PLEKHM3: variants seen among roughly 807,000 people sequenced by gnomAD.
PLEKHM3 encodes the protein pleckstrin homology domain containing M3, also known as pleckstrin homology domain-containing family M member 3.
A neutral mutation model predicts 81.8 loss-of-function variants in PLEKHM3; 45 were observed. The observed-to-expected ratio is 0.55, with a 90% CI of 0.43 to 0.71. The LOEUF is 0.71. PLEKHM3 is among the 30% of genes least tolerant of loss of function. The pLI, the probability that PLEKHM3 is intolerant of heterozygous loss-of-function variation, is 0.00. For synonymous variants in PLEKHM3, 352 were observed against 356.4 expected (o/e 0.99, Z 0.14); for missense variants, 788 against 924.3 (o/e 0.85, Z 1.91).
At chr2:207,923,855 G>GCGCACACA (rs1257171999) in intron 5 of PLEKHM3, among the ~76,000 whole-genome samples, 18 of 18,916 alleles carry the variant, frequency 9.5e-4, no homozygotes, top group Non-Finnish European at 1.7e-3. Flanking sequence ...ACACACGCAC[G>GCGCACACA]CACACACACA....
intron 5 of PLEKHM3, among the ~76,000 whole-genome samples, chr2:207,922,632 GAAA>G (rs1689223358): frequency 6.6e-6 from 1 of 152,134 alleles, no homozygotes; most frequent in South Asian, 2.1e-4. Flanking sequence ...CTAACACGGT[GAAA>G]ACCTGTCTCT....
intron 6 of PLEKHM3, among the ~76,000 whole-genome samples, chr2:207,866,898 T>C (rs1041160649): frequency 5.9e-5 from 9 of 152,228 alleles, no homozygotes; most frequent in Admixed American, 4.6e-4. Flanking sequence ...TGCTGTTTTG[T>C]ACTCTTTGCT....
At chr2:207,864,842 C>A (rs1228471839) in intron 6 of PLEKHM3, among the ~76,000 whole-genome samples, 1 of 152,138 alleles carries the variant, frequency 6.6e-6, no homozygotes, top group Non-Finnish European at 1.5e-5. Context: ...TACATATCTC[C>A]ATTTTATTAA....
At chr2:207,880,491 C>T (rs1574364699) in intron 6 of PLEKHM3, among the ~76,000 whole-genome samples, 2 of 150,194 alleles carry the variant, frequency 1.3e-5, no homozygotes, top group Non-Finnish European at 3.0e-5. Context: ...AGGCCGGGCG[C>T]GGTGGCTCAC....
Position 207,950,306 on chromosome 2 carries a change from C to T in PLEKHM3, c.1547-3794G>A, listed in dbSNP as rs951045051. Among the ~76,000 whole-genome samples, 13 of 152,320 alleles carry T rather than the reference C, an allele frequency of 8.5e-5. No individual in the cohort carries two copies. The South Asian group carries it at 2.7e-3, about 32-fold the overall frequency. ...TTTAGGCACATGGTATACAGACCGT[C>T]ACTAGTCTAAAGGCAGGAAGCCTGA... is the stretch of plus-strand genomic sequence containing the variant. On this transcript the variant is annotated intron_variant, in intron 3 of 7. Coordinates refer to ENST00000427836, the MANE Select transcript of PLEKHM3 (RefSeq NM_001080475.3).
rs897613004 is a variant in PLEKHM3 at position 207,823,429 on chromosome 2, G to A, written c.*4890C>T. 5.3e-5 allele frequency: 8 copies of A among 151,876 alleles called. No individual in the cohort carries two copies. The highest frequency in any genetic ancestry group is 1.9e-4 in the African/African-American group (8 of 41,312). 9.4% of individuals were successfully genotyped at this position (151,876 alleles called of 1,614,324 possible). The stretch of plus-strand genomic sequence containing the variant: ...CAATTCTCCTGCCTCAGTCTCCCAA[G>A]TAGCTGGGATTATAGGCATCCACCA... On this transcript the variant is annotated 3_prime_UTR_variant, in exon 8 of 8. Transcript: ENST00000427836.
chr2:207,946,317 T>C (rs907658259), intron 4 of PLEKHM3, 50 bp downstream of exon 4: 2 of 1,575,874 alleles, frequency 1.3e-6, no homozygotes, highest in East Asian at 4.5e-5. Context: ...CCTGAGAACA[T>C]ATGAACACCT....
chr2:207,984,084 A>C lies in PLEKHM3; in HGVS notation c.611-6498T>G, dbSNP rs117508377. Among the ~76,000 whole-genome samples the C allele has an allele frequency of 4.7e-4, 72 of 152,332 alleles. No homozygotes were observed. The East Asian group carries it at 0.011, about 23-fold the overall frequency. The stretch of plus-strand genomic sequence containing the variant: ...AAAGTTTCAAACACACTTGAAAAGC[A>C]TGTAGAAGAGTAAGATGAATGCCAG... On this transcript the variant is annotated intron_variant, in intron 2 of 7. Coordinates refer to ENST00000427836, the MANE Select transcript of PLEKHM3 (RefSeq NM_001080475.3).
chr2:207,876,584 G>C (rs2092561054), intron 6 of PLEKHM3, among the ~76,000 whole-genome samples: 1 of 152,178 alleles, frequency 6.6e-6, no homozygotes, highest in South Asian at 2.1e-4. Flanking sequence ...CATTCAATTA[G>C]AATGACTTAT....
intron 6 of PLEKHM3, among the ~76,000 whole-genome samples, chr2:207,883,957 T>C (rs1398948029): frequency 2.0e-5 from 3 of 152,070 alleles, no homozygotes; most frequent in East Asian, 1.9e-4. Flanking sequence ...ATCATCTCAA[T>C]AGACATAGAA....
At chr2:207,902,639 A>G (rs1372754401) in intron 6 of PLEKHM3, among the ~76,000 whole-genome samples, 1 of 152,144 alleles carries the variant, frequency 6.6e-6, no homozygotes, top group African/African-American at 2.4e-5. Context: ...ACATAAGCAG[A>G]GATTTTTATT....
intron 1 of PLEKHM3, among the ~76,000 whole-genome samples, chr2:208,002,744 T>G (rs890646757): frequency 4.6e-5 from 7 of 152,138 alleles, no homozygotes; most frequent in African/African-American, 1.7e-4. Context: ...AACACTAGAT[T>G]ACCAAGACCA....
In PLEKHM3 at chr2:208,006,956, A is replaced by G. The variant is rs543053792; in HGVS notation, c.-318-4999T>C. Reference sequence around the variant, plus strand: ...TTTACATGCTCGTTAGGCAAGGCTAATTAACAGGATGAATACAGTAGTTCT... The same window carrying G: ...TTTACATGCTCGTTAGGCAAGGCTAGTTAACAGGATGAATACAGTAGTTCT... On this transcript the variant is annotated intron_variant, in intron 1 of 7. Coordinates refer to ENST00000427836, the MANE Select transcript of PLEKHM3 (RefSeq NM_001080475.3). Among the ~76,000 whole-genome samples, 20 of 152,356 alleles carry G rather than the reference A, an allele frequency of 1.3e-4. No individual in the cohort carries two copies. The East Asian group carries it at 3.3e-3, about 25-fold the overall frequency.
Position 207,937,074 on chromosome 2 carries a change from G to T in PLEKHM3, c.1693-5955C>A, listed in dbSNP as rs150623914. ...TTTGGTTGCCTCTGAGAAGAATGGGGTGAGTAAAAAGGAGATTATTTATGT... is the reference window on the plus strand; with the variant it reads ...TTTGGTTGCCTCTGAGAAGAATGGGTTGAGTAAAAAGGAGATTATTTATGT... On this transcript the variant is annotated intron_variant, in intron 4 of 7. Coordinates refer to ENST00000427836, the MANE Select transcript of PLEKHM3 (RefSeq NM_001080475.3). Among the ~76,000 whole-genome samples, 9 of 152,218 alleles carry T rather than the reference G, an allele frequency of 5.9e-5. No homozygotes were observed. The East Asian group carries it at 1.5e-3, about 26-fold the overall frequency.
intron 2 of PLEKHM3, among the ~76,000 whole-genome samples, chr2:207,978,273 C>T (rs1168607394): frequency 1.3e-5 from 2 of 151,860 alleles, no homozygotes; most frequent in Non-Finnish European, 2.9e-5. Flanking sequence ...GAACCAATCA[C>T]GCTTTGCCAG....
chr2:207,878,560 A>G (rs147111501), intron 6 of PLEKHM3, among the ~76,000 whole-genome samples: 2 of 152,350 alleles, frequency 1.3e-5, no homozygotes, highest in East Asian at 3.9e-4. Flanking sequence ...GTGAGCTGAG[A>G]TCGCGCCACT....
chr2:207,915,900 C>A lies in PLEKHM3; in HGVS notation c.1887-7323G>T, dbSNP rs1248877677. Among the ~76,000 whole-genome samples the A allele has an allele frequency of 9.9e-5, 15 of 152,156 alleles. 1 individual carries two copies. The highest frequency in any genetic ancestry group is 9.8e-4 in the Admixed American group (15 of 15,286). The stretch of plus-strand genomic sequence containing the variant: ...CCTTTGGAGAGCACATATACCCACA[C>A]TGAAATCAGCAAAAAGCACTATGAA... On this transcript the variant is annotated intron_variant, in intron 5 of 7. Transcript: ENST00000427836.
At chr2:208,014,415 G>A (rs749733878) in intron 1 of PLEKHM3, among the ~76,000 whole-genome samples, 18 of 152,150 alleles carry the variant, frequency 1.2e-4, no homozygotes, top group African/African-American at 4.1e-4. Flanking sequence ...AGGCCGAGGC[G>A]GGCAGATCAC....
chr2:207,915,431 A>ACTCAG (rs938643257), intron 5 of PLEKHM3, among the ~76,000 whole-genome samples: 1 of 152,134 alleles, frequency 6.6e-6, no homozygotes, highest in Non-Finnish European at 1.5e-5. Context: ...GAGAAGTTCA[A>ACTCAG]CTCAGCTCCC....
Sources: allele counts gnomAD v4.1 joint callset (sites outside exome capture counted in the v4.1 genomes callset), GRCh38; gene constraint gnomAD v4.1.1; transcripts MANE v1.5; gene names NCBI Gene and HGNC (gene_info 2026-07-23, HGNC 2026-07-21).